GRM7: variants seen among roughly 807,000 people sequenced by gnomAD.
GRM7 encodes metabotropic glutamate receptor 7.
In GRM7, 35 loss-of-function variants were observed where a neutral mutation model predicts 84.5. The ratio of observed to expected loss-of-function variants is 0.41; its 90% confidence interval spans 0.32 to 0.55. The LOEUF is 0.55. Among genes scored for constraint, GRM7 ranks in the 20% least tolerant of loss-of-function variants. The pLI is 0.19. For synonymous variants in GRM7, 487 were observed against 455.1 expected, an observed-to-expected ratio of 1.07 and a Z score of -0.89; for missense variants, 1,003 against 1,194.6, an observed-to-expected ratio of 0.84 and a Z score of 2.36.
chr3:7,732,067 A>G (rs543941782), intron 9 of GRM7, among the ~76,000 whole-genome samples: 21 of 151,852 alleles, frequency 1.4e-4, no homozygotes, highest in African/African-American at 4.8e-4. Context: ...TTTGTTTGAG[A>G]CAGAGTCTCG....
chr3:7,466,954 C>T (rs1287179011), intron 7 of GRM7, among the ~76,000 whole-genome samples: 1 of 152,128 alleles, frequency 6.6e-6, no homozygotes, highest in Non-Finnish European at 1.5e-5. Context: ...AAACAGGGTA[C>T]CTAGCACACA....
chr3:7,299,967 A>T (rs1022561699), intron 3 of GRM7, among the ~76,000 whole-genome samples: 1 of 151,740 alleles, frequency 6.6e-6, no homozygotes, highest in African/African-American at 2.4e-5. Flanking sequence ...TGTGATAAAA[A>T]CATAACATGC....
At chr3:7,478,463 G>GA (rs1188743252) in intron 7 of GRM7, among the ~76,000 whole-genome samples, 2 of 152,004 alleles carry the variant, frequency 1.3e-5, no homozygotes, top group Non-Finnish European at 2.9e-5. Flanking sequence ...GAAGGAGAGA[G>GA]AAAAAAGCAT....
At chr3:7,731,912 C>T (rs1235151256) in intron 9 of GRM7, among the ~76,000 whole-genome samples, 1 of 152,122 alleles carries the variant, frequency 6.6e-6, no homozygotes, top group African/African-American at 2.4e-5. Flanking sequence ...CAATCAGCAG[C>T]AAGCATCTGT....
At chr3:7,320,471 C>A (rs2125052282) in intron 4 of GRM7, among the ~76,000 whole-genome samples, 1 of 152,108 alleles carries the variant, frequency 6.6e-6, no homozygotes, top group African/African-American at 2.4e-5. Flanking sequence ...TTTGTTCAGA[C>A]TCTTCTCTCT....
chr3:6,959,428 A>G (rs2125079960), intron 1 of GRM7, among the ~76,000 whole-genome samples: 1 of 152,304 alleles, frequency 6.6e-6, no homozygotes, highest in Admixed American at 6.5e-5. Context: ...AATAGCAGTT[A>G]AAGTAGAAAC....
rs934930284 is a variant in GRM7 at position 7,349,474 on chromosome 3, C to T, written c.1033+42822C>T. Among the ~76,000 whole-genome samples the T allele has an allele frequency of 9.9e-5, 15 of 152,006 alleles. No individual in the cohort carries two copies. In the South Asian group the frequency reaches 1.5e-3, roughly 15 times the overall value. Reference sequence around the variant, plus strand: ...TCCACATGTATTTTTCCCTGAAATTCGTAGGTACTCAGTCTCAAAGATACT... The same window carrying T: ...TCCACATGTATTTTTCCCTGAAATTTGTAGGTACTCAGTCTCAAAGATACT... On this transcript the variant is annotated intron_variant, in intron 4 of 9. Coordinates refer to ENST00000357716, the MANE Select transcript of GRM7 (RefSeq NM_000844.4).
chr3:7,290,010 AAAAT>A (rs1274977315), intron 2 of GRM7, among the ~76,000 whole-genome samples: 8 of 151,222 alleles, frequency 5.3e-5, no homozygotes, highest in African/African-American at 2.0e-4. Context: ...AGTATAATAA[AAAAT>A]AAAATAAAAA....
chr3:7,687,826 G>C (rs1202189390), intron 9 of GRM7, among the ~76,000 whole-genome samples: 5 of 152,072 alleles, frequency 3.3e-5, no homozygotes, highest in Non-Finnish European at 7.4e-5. Flanking sequence ...TACTTCCAAA[G>C]AGTAATGACA....
intron 1 of GRM7, among the ~76,000 whole-genome samples, chr3:6,918,663 G>T (rs1327065373): frequency 6.6e-6 from 1 of 152,154 alleles, no homozygotes; most frequent in Non-Finnish European, 1.5e-5. Flanking sequence ...AAGTTCCCTA[G>T]AGTGCCAGAA....
At position 7,182,099 on chromosome 3, in the gene GRM7, T is replaced by C. The variant is rs113781085; in HGVS notation, c.736+35431T>C. Among the ~76,000 whole-genome samples the C allele has an allele frequency of 6.7e-3, 1,028 of 152,308 alleles. 10 individuals carry two copies. The highest frequency in any genetic ancestry group is 0.024 in the African/African-American group (980 of 41,554). On this transcript the variant is annotated intron_variant, in intron 2 of 9. Coordinates refer to ENST00000357716, the MANE Select transcript of GRM7 (RefSeq NM_000844.4). ...GGTCTTGTTCCTCTTATAACTGTTT[T>C]CTTTTTTGACTCCTTTTCTCTACTT...
chr3:7,430,690 G>C (rs1021594987), intron 5 of GRM7, among the ~76,000 whole-genome samples: 1 of 152,134 alleles, frequency 6.6e-6, no homozygotes, highest in African/African-American at 2.4e-5. Context: ...AGCCCAGTTG[G>C]GGGGACAGTC....
At chr3:7,601,532 C>T (rs922936301) in intron 8 of GRM7, among the ~76,000 whole-genome samples, 2 of 152,086 alleles carry the variant, frequency 1.3e-5, no homozygotes, top group Non-Finnish European at 2.9e-5. Context: ...CTCGACATAA[C>T]CTTCTGAGGC....
intron 2 of GRM7, among the ~76,000 whole-genome samples, chr3:7,171,129 G>C (rs1694969693): frequency 6.6e-6 from 1 of 152,122 alleles, no homozygotes; most frequent in Non-Finnish European, 1.5e-5. Flanking sequence ...CATTCCTGAA[G>C]TCTGGAAGTC....
At chr3:7,506,795 A>T (rs1227973927) in intron 7 of GRM7, among the ~76,000 whole-genome samples, 3 of 152,210 alleles carry the variant, frequency 2.0e-5, no homozygotes, top group African/African-American at 7.2e-5. Context: ...GACAACATGA[A>T]TGAGGGCAGA....
At chr3:7,089,240 G>T (rs761310390) in intron 1 of GRM7, among the ~76,000 whole-genome samples, 1 of 152,076 alleles carries the variant, frequency 6.6e-6, no homozygotes, top group South Asian at 2.1e-4. Context: ...ATAGGATAAA[G>T]AAATGTTATA....
chr3:6,888,090 C>G (rs1237843422), intron 1 of GRM7, among the ~76,000 whole-genome samples: 1 of 151,878 alleles, frequency 6.6e-6, no homozygotes, highest in Non-Finnish European at 1.5e-5. Flanking sequence ...TTGTTTTTTT[C>G]TTGTAAATTT....
At chr3:7,049,282 A>G (rs1559406229) in intron 1 of GRM7, among the ~76,000 whole-genome samples, 1 of 151,992 alleles carries the variant, frequency 6.6e-6, no homozygotes, top group African/African-American at 2.4e-5. Context: ...AAAGAATTTA[A>G]TGGATTCACA....
intron 1 of GRM7, among the ~76,000 whole-genome samples, chr3:6,981,603 G>A (rs534622842): frequency 6.6e-6 from 1 of 152,238 alleles, no homozygotes; most frequent in East Asian, 1.9e-4. Flanking sequence ...GTGAAGCTCT[G>A]GCCACAGGAT....
Sources: allele counts gnomAD v4.1 joint callset (sites outside exome capture counted in the v4.1 genomes callset), GRCh38; gene constraint gnomAD v4.1.1; transcripts MANE v1.5; gene names NCBI Gene and HGNC (gene_info 2026-07-23, HGNC 2026-07-21).